Variants in PPP4R2 observed in about 807,000 individuals in gnomAD.
The protein encoded by PPP4R2 is serine/threonine-protein phosphatase 4 regulatory subunit 2.
In PPP4R2, 13 loss-of-function variants were observed where a neutral mutation model predicts 47.2. That is an observed-to-expected ratio of 0.28 (90% CI 0.18 to 0.44). The LOEUF is 0.44. Ranked by LOEUF, PPP4R2 falls within the 20% of genes least tolerant of loss-of-function variation. The probability of loss-of-function intolerance (pLI) is 1.00; values close to 1 mark genes in which losing one functional copy is unlikely to be tolerated. For synonymous variants in PPP4R2, 151 were observed against 163.3 expected, an observed-to-expected ratio of 0.92 and a Z score of 0.57; for missense variants, 421 against 491.2, an observed-to-expected ratio of 0.86 and a Z score of 1.35.
chr3:73,040,593 C>T (rs1435183199), intron 2 of PPP4R2, among the ~76,000 whole-genome samples: 2 of 150,350 alleles, frequency 1.3e-5, no homozygotes, highest in Non-Finnish European at 2.9e-5. Flanking sequence ...CAACCTCTGC[C>T]TCCTGGGTTC....
chr3:73,025,826 C>G (rs998612307), intron 2 of PPP4R2, among the ~76,000 whole-genome samples: 2 of 152,006 alleles, frequency 1.3e-5, no homozygotes, highest in African/African-American at 4.8e-5. Context: ...GAAATTGAGT[C>G]TAATTCAAAG....
intron 2 of PPP4R2, among the ~76,000 whole-genome samples, chr3:73,039,678 G>T (rs1702337543): frequency 6.6e-6 from 1 of 152,140 alleles, no homozygotes; most frequent in African/African-American, 2.4e-5. Context: ...GGTTTCTAGT[G>T]GGTAGAGGCC....
At chr3:73,024,150 T>C (rs574208088) in intron 2 of PPP4R2, among the ~76,000 whole-genome samples, 2 of 152,246 alleles carry the variant, frequency 1.3e-5, no homozygotes, top group East Asian at 1.9e-4. Flanking sequence ...TAAATTCAGA[T>C]CTAATTTCTA....
intron 5 of PPP4R2, chr3:73,061,773 A>G (rs1238601858): frequency 6.7e-6 from 2 of 299,912 alleles, no homozygotes; most frequent in Non-Finnish European, 1.2e-5. Flanking sequence ...ATGAGTGATC[A>G]TAGCTCACTG....
intron 2 of PPP4R2, among the ~76,000 whole-genome samples, chr3:73,003,288 C>T (rs4677224): frequency 0.52 from 78,842 of 150,782 alleles, 20,890 homozygotes; most frequent in African/African-American, 0.61. Context: ...CACAGCTCAC[C>T]GCAACCTCTG....
chr3:73,026,694 T>C (rs1702071162), intron 2 of PPP4R2, among the ~76,000 whole-genome samples: 1 of 111,546 alleles, frequency 9.0e-6, no homozygotes, highest in Admixed American at 8.1e-5. Context: ...ATTATGAGAT[T>C]TTTGCGATTT....
chr3:73,032,342 A>G (rs1212065350), intron 2 of PPP4R2, among the ~76,000 whole-genome samples: 1 of 150,738 alleles, frequency 6.6e-6, no homozygotes, highest in East Asian at 2.0e-4. Flanking sequence ...GGAGTGCAGT[A>G]GAGTAGCATG....
chr3:73,001,691 C>T (rs543586721), intron 2 of PPP4R2, among the ~76,000 whole-genome samples: 27 of 152,124 alleles, frequency 1.8e-4, no homozygotes, highest in Middle Eastern at 3.4e-3. Context: ...CACACTGGAT[C>T]GTAGTGGCGC....
Position 73,065,343 on chromosome 3 carries a change from G to A in PPP4R2, c.929-54G>A, listed in dbSNP as rs570261876. 5.5e-5 allele frequency: 81 copies of A among 1,484,770 alleles called. No homozygotes were observed. The Admixed American group carries it at 1.8e-3, about 33-fold the overall frequency. The allele number at this position is 1,484,770 out of a possible 1,614,324, so 92.0% of individuals were successfully genotyped here. On this transcript the variant is annotated intron_variant, in intron 8 of 8. Coordinates refer to ENST00000356692, the MANE Select transcript of PPP4R2 (RefSeq NM_174907.4). ...ATATCAGAATTCATGAAACTTAACT[G>A]TGGAGGTATTTTGAAAATACAATTT...
Position 73,065,392 on chromosome 3 carries a change from T to C in PPP4R2, c.929-5T>C. On this transcript the variant is annotated splice_polypyrimidine_tract_variant and splice_region_variant and intron_variant, in intron 8 of 8. Transcript: ENST00000356692. The stretch of plus-strand genomic sequence containing the variant: ...TTAACTACAACAACATTTGCTTATT[T>C]TTAGAGTCTTTTATGACATCAAGAG... 6.4e-7 allele frequency: 1 copy of C among 1,570,464 alleles called. No homozygotes were observed. Among genetic ancestry groups the C allele is most frequent in the East Asian group, 2.3e-5 (1 of 44,386 alleles).
chr3:73,016,813 CTTT>C (rs1207946652), intron 2 of PPP4R2, among the ~76,000 whole-genome samples: 1 of 72,904 alleles, frequency 1.4e-5, no homozygotes, highest in African/African-American at 5.9e-5. Context: ...TTCATTGTTT[CTTT>C]TTTTTTTTTT....
chr3:73,055,415 A>T (rs1418646701), intron 3 of PPP4R2, among the ~76,000 whole-genome samples: 1 of 56,696 alleles, frequency 1.8e-5, no homozygotes, highest in African/African-American at 7.9e-5. Context: ...CTAGTGGGGT[A>T]GCGTGTGTGT....
chr3:73,011,530 C>T (rs1047303104), intron 2 of PPP4R2, among the ~76,000 whole-genome samples: 4 of 151,820 alleles, frequency 2.6e-5, no homozygotes, highest in South Asian at 2.1e-4. Context: ...CTCTTATAAT[C>T]GTTATTTCTG....
chr3:73,058,711 T>C (rs1449989498), intron 3 of PPP4R2, among the ~76,000 whole-genome samples: 1 of 152,114 alleles, frequency 6.6e-6, no homozygotes, highest in Non-Finnish European at 1.5e-5. Context: ...GATAAATTAT[T>C]GTAGTCAACC....
At chr3:73,048,281 G>A (rs1301491499) in intron 3 of PPP4R2, among the ~76,000 whole-genome samples, 3 of 152,154 alleles carry the variant, frequency 2.0e-5, no homozygotes, top group Non-Finnish European at 4.4e-5. Flanking sequence ...TTGAGACAGA[G>A]TCTCGCTGTC....
intron 2 of PPP4R2, among the ~76,000 whole-genome samples, chr3:73,018,217 CTT>C (rs376815429): frequency 6.6e-6 from 1 of 152,088 alleles, no homozygotes; most frequent in African/African-American, 2.4e-5. Context: ...TGGGGGTCAA[CTT>C]AAACATAGAT....
intron 2 of PPP4R2, among the ~76,000 whole-genome samples, chr3:73,038,149 G>GC (rs1702301726): frequency 6.6e-6 from 1 of 152,158 alleles, no homozygotes; most frequent in South Asian, 2.1e-4. Context: ...GTGGTAAAAA[G>GC]CAGGAGCAAA....
intron 3 of PPP4R2, among the ~76,000 whole-genome samples, chr3:73,052,766 C>T (rs1702645557): frequency 1.3e-5 from 2 of 152,176 alleles, no homozygotes; most frequent in Admixed American, 6.5e-5. Flanking sequence ...GGCAGTCGGC[C>T]TCCTCACTCT....
chr3:73,048,401 C>T (rs186655974), intron 3 of PPP4R2, among the ~76,000 whole-genome samples: 12 of 152,146 alleles, frequency 7.9e-5, no homozygotes, highest in Admixed American at 3.3e-4. Context: ...ACCACAGGTG[C>T]GCGCCACGGT....
Sources: allele counts gnomAD v4.1 joint callset (sites outside exome capture counted in the v4.1 genomes callset), GRCh38; gene constraint gnomAD v4.1.1; transcripts MANE v1.5; gene names NCBI Gene and HGNC (gene_info 2026-07-23, HGNC 2026-07-21).